FCER2: variants seen among roughly 807,000 people sequenced by gnomAD.
FCER2 encodes Fc epsilon receptor II.
In FCER2, 38 loss-of-function variants were observed where a neutral mutation model predicts 49.7. That is an observed-to-expected ratio of 0.76 (90% CI 0.59 to 1.00). The LOEUF is 1.00. Ranked by LOEUF, FCER2 falls within the 50% of genes least tolerant of loss-of-function variation. The pLI is 0.00. For synonymous variants in FCER2, 163 were observed against 164.6 expected, an observed-to-expected ratio of 0.99 and a Z score of 0.07; for missense variants, 425 against 419.5, an observed-to-expected ratio of 1.01 and a Z score of -0.11.
rs140588164 is a variant in FCER2, at chr19:7,693,112, C to T, written c.470-2555G>A. Among the ~76,000 whole-genome samples, 1,504 of 152,298 alleles carry T rather than the reference C, an allele frequency of 9.9e-3. 15 individuals are homozygous for T. The highest frequency in any genetic ancestry group is 0.016 in the Non-Finnish European group (1,062 of 68,026). On this transcript the variant is annotated intron_variant, in intron 8 of 10. Coordinates refer to ENST00000597921, the MANE Select transcript of FCER2 (RefSeq NM_001220500.2). ...ACACCATCTTTACCAACCACACCAGCCGTGTCTTCATCACTGGCACCGACA... is the reference window on the plus strand; with the variant it reads ...ACACCATCTTTACCAACCACACCAGTCGTGTCTTCATCACTGGCACCGACA...
Position 7,697,512 on chromosome 19 carries a change from C to G in FCER2, c.253+15G>C. On this transcript the variant is annotated intron_variant, in intron 5 of 10. Transcript: ENST00000597921. Reference sequence around the variant, plus strand: ...CGCTTTTTCCCCTGCAACCCCAACTCCAGGAGTCACTCACACTGGGATTTC... The same window carrying G: ...CGCTTTTTCCCCTGCAACCCCAACTGCAGGAGTCACTCACACTGGGATTTC... The G allele has an allele frequency of 6.2e-7, 1 of 1,611,554 alleles. No homozygotes were observed. Among genetic ancestry groups the G allele is most frequent in the Non-Finnish European group, 8.5e-7 (1 of 1,177,934 alleles).
chr19:7,693,363 T>G (rs1453562805), intron 8 of FCER2, among the ~76,000 whole-genome samples: 1 of 151,758 alleles, frequency 6.6e-6, no homozygotes, highest in Non-Finnish European at 1.5e-5. Flanking sequence ...CTTTCTCCCC[T>G]TCCCCCCACC....
rs541673593 is a variant in FCER2 at position 7,692,051 on chromosome 19, C to A, written c.470-1494G>T. 7.3e-5 allele frequency among the ~76,000 whole-genome samples: 11 copies of A among 151,528 alleles called. 1 individual carries two copies. In the South Asian group the frequency reaches 2.3e-3, roughly 32 times the overall value. Reference sequence around the variant, plus strand: ...TCACGTCCAACAACACATCAACTACCAACACCATCACCACGAGCACATTCA... The same window carrying A: ...TCACGTCCAACAACACATCAACTACAAACACCATCACCACGAGCACATTCA... On this transcript the variant is annotated intron_variant, in intron 8 of 10. Transcript: ENST00000597921.
intron 4 of FCER2, 141 bp from the exon 5 acceptor site, chr19:7,697,730 A>G (rs775441580): frequency 1.7e-4 from 114 of 685,662 alleles, no homozygotes; most frequent in Non-Finnish European, 2.2e-4. Context: ...GAGCAGGAGG[A>G]GTGTACTCAG....
Position 7,694,679 on chromosome 19 carries a change from G to A in FCER2, c.469+2146C>T, listed in dbSNP as rs2032967883. ...TTCCCAAAGCCACTTCACATCCCAG[G>A]GGATGGGACTCCATCACACCAAGCA... On this transcript the variant is annotated intron_variant, in intron 8 of 10. Transcript: ENST00000597921. Among the ~76,000 whole-genome samples the A allele has an allele frequency of 2.0e-5, 3 of 152,146 alleles. No homozygotes were observed. The South Asian group carries it at 6.2e-4, about 32-fold the overall frequency.
intron 10 of FCER2, 111 bp downstream of exon 10, chr19:7,690,048 A>T: frequency 1.3e-6 from 1 of 744,606 alleles, no homozygotes; most frequent in Non-Finnish European, 2.3e-6. Flanking sequence ...TGCACCCTAG[A>T]GACCCTTATC....
At chr19:7,693,314 G>A (rs537311131) in intron 8 of FCER2, among the ~76,000 whole-genome samples, 4 of 152,214 alleles carry the variant, frequency 2.6e-5, no homozygotes, top group Admixed American at 1.3e-4. Flanking sequence ...GAGCCAATGG[G>A]ATTGCAAGAC....
chr19:7,689,870 C>G (rs1206120037), intron 10 of FCER2, among the ~76,000 whole-genome samples: 3 of 152,014 alleles, frequency 2.0e-5, no homozygotes, highest in Non-Finnish European at 4.4e-5. Flanking sequence ...CCCACCTCGG[C>G]CTCCTACAGC....
intron 8 of FCER2, among the ~76,000 whole-genome samples, chr19:7,691,354 CA>C (rs1226037782): frequency 6.6e-6 from 1 of 152,186 alleles, no homozygotes; most frequent in African/African-American, 2.4e-5. Context: ...TCACCGGCTC[CA>C]CAGCCAGCAG....
At chr19:7,699,364 C>G (rs1245473521) in intron 2 of FCER2, 1 of 1,330,266 alleles carries the variant, frequency 7.5e-7, no homozygotes, top group Non-Finnish European at 9.9e-7. Context: ...AGCCCCTGGC[C>G]CTCTGCACTC....
At chr19:7,697,151 C>A (rs1436298677) in intron 6 of FCER2, 76 bp from the exon 7 acceptor site, 3 of 1,606,800 alleles carry the variant, frequency 1.9e-6, no homozygotes, top group South Asian at 1.1e-5. Flanking sequence ...AGCCTGGCCC[C>A]CCAGCCTCGT....
At position 7,698,284 on chromosome 19, in the gene FCER2, C is replaced by T. The variant is rs1316410644; in HGVS notation, c.190+72G>A. 1.1e-4 allele frequency: 119 copies of T among 1,109,216 alleles called. 1 individual carries two copies. Among genetic ancestry groups the T allele is most frequent in the Non-Finnish European group, 1.1e-4 (85 of 766,688 alleles). 68.7% of individuals were successfully genotyped at this position (1,109,216 alleles called of 1,614,324 possible). ...TCCTTAGCGAGGGGACACTGAGGCCCAGAGAGGAGCGGGATGAGTGCTGGG... is the reference window on the plus strand; with the variant it reads ...TCCTTAGCGAGGGGACACTGAGGCCTAGAGAGGAGCGGGATGAGTGCTGGG... On this transcript the variant is annotated intron_variant, in intron 4 of 10. Transcript: ENST00000597921.
Position 7,689,122 on chromosome 19 carries a change from G to C in FCER2, c.*71C>G, listed in dbSNP as rs2032781099. 5 of 1,087,480 alleles carry C rather than the reference G, an allele frequency of 4.6e-6. No homozygotes were observed. Among genetic ancestry groups the C allele is most frequent in the Admixed American group, 2.0e-5 (1 of 49,246 alleles). The allele number at this position is 1,087,480 out of a possible 1,614,324, so 67.4% of individuals were successfully genotyped here. On this transcript the variant is annotated 3_prime_UTR_variant, in exon 11 of 11. Coordinates refer to ENST00000597921, the MANE Select transcript of FCER2 (RefSeq NM_001220500.2). ...CAGAAAATGTCACAGGGACCTTTCAGCCACAAAGAGGCTTTTAGGCCGTGG... is the reference window on the plus strand; with the variant it reads ...CAGAAAATGTCACAGGGACCTTTCACCCACAAAGAGGCTTTTAGGCCGTGG...
At chr19:7,689,772 A>C (rs1474073968) in intron 10 of FCER2, among the ~76,000 whole-genome samples, 6 of 152,264 alleles carry the variant, frequency 3.9e-5, no homozygotes, top group Non-Finnish European at 8.8e-5. Context: ...GGCGCCCGCC[A>C]TCATGACTGG....
chr19:7,695,443 T>G (rs2032985374), intron 8 of FCER2, among the ~76,000 whole-genome samples: 1 of 151,922 alleles, frequency 6.6e-6, no homozygotes, highest in African/African-American at 2.4e-5. Context: ...GGAAAAAAAT[T>G]GTAGGAGTCT....
chr19:7,693,953 AT>A (rs368201774), intron 8 of FCER2, among the ~76,000 whole-genome samples: 5,170 of 140,298 alleles, frequency 0.037, 230 homozygotes, highest in African/African-American at 0.099. Context: ...CCAGCCACAG[AT>A]TTTTTTTTTT....
intron 8 of FCER2, among the ~76,000 whole-genome samples, chr19:7,693,134 G>A (rs966070517): frequency 6.6e-5 from 10 of 152,062 alleles, no homozygotes; most frequent in South Asian, 2.1e-4. Context: ...CACTGGCACC[G>A]ACAGCAAAAC....
intron 8 of FCER2, 88 bp downstream of exon 8, chr19:7,696,737 G>A (rs1599439067): frequency 4.3e-6 from 4 of 938,926 alleles, no homozygotes; most frequent in East Asian, 2.6e-5. Flanking sequence ...GCTGCCTCAC[G>A]TCACACGTGC....
chr19:7,700,370 G>A (rs1042713432), intron 1 of FCER2, among the ~76,000 whole-genome samples: 1 of 152,158 alleles, frequency 6.6e-6, no homozygotes, highest in African/African-American at 2.4e-5. Context: ...GCTGCGCACA[G>A]TGGGTCTTCG....
Sources: allele counts gnomAD v4.1 joint callset (sites outside exome capture counted in the v4.1 genomes callset), GRCh38; gene constraint gnomAD v4.1.1; transcripts MANE v1.5; gene names NCBI Gene and HGNC (gene_info 2026-07-23, HGNC 2026-07-21).